Variants in MAP3K20 observed in about 807,000 individuals in gnomAD.
MAP3K20 encodes HCCS-4.
MAP3K20 carries 40 observed loss-of-function variants against 85.7 expected under a neutral mutation model. The ratio of observed to expected loss-of-function variants is 0.47; its 90% CI spans 0.36 to 0.61. The LOEUF (loss-of-function observed/expected upper bound fraction) is 0.61, where lower values mean the gene tolerates loss of function less well. MAP3K20 is among the 20% of genes least tolerant of loss of function. MAP3K20 has a pLI of 0.00. For missense variants in MAP3K20, 817 were observed against 961.7 expected (o/e 0.85, Z 1.99); for synonymous variants, 325 against 327.7 (o/e 0.99, Z 0.09).
intron 4 of MAP3K20, among the ~76,000 whole-genome samples, chr2:173,185,690 T>G (rs1690464572): frequency 6.6e-6 from 1 of 152,240 alleles, no homozygotes; most frequent in Non-Finnish European, 1.5e-5. Context: ...TCAGCATCAT[T>G]GCTGTTGAGA....
At chr2:173,205,392 G>A (rs931870164) in intron 9 of MAP3K20, among the ~76,000 whole-genome samples, 4 of 152,026 alleles carry the variant, frequency 2.6e-5, no homozygotes, top group Non-Finnish European at 2.9e-5. Context: ...TCTTTAATGG[G>A]AATAACTAAC....
chr2:173,154,774 G>T (rs1454364046), intron 2 of MAP3K20, among the ~76,000 whole-genome samples: 1 of 152,048 alleles, frequency 6.6e-6, no homozygotes, highest in East Asian at 1.9e-4. Context: ...GGAGAGGCAT[G>T]GTTACATTTA....
intron 2 of MAP3K20, among the ~76,000 whole-genome samples, chr2:173,155,758 C>T (rs890391445): frequency 3.3e-5 from 5 of 152,084 alleles, no homozygotes; most frequent in Non-Finnish European, 5.9e-5. Context: ...ATTATTTGAC[C>T]AAGGAGTGCA....
intron 16 of MAP3K20, among the ~76,000 whole-genome samples, chr2:173,254,815 CTTTA>C (rs1390875393): frequency 2.6e-5 from 4 of 152,184 alleles, no homozygotes; most frequent in African/African-American, 9.7e-5. Flanking sequence ...AATTCCATTA[CTTTA>C]TTTGTGGATT....
At chr2:173,105,190 G>A (rs1014231601) in intron 2 of MAP3K20, among the ~76,000 whole-genome samples, 1 of 152,212 alleles carries the variant, frequency 6.6e-6, no homozygotes, top group African/African-American at 2.4e-5. Context: ...ACAGAGACAG[G>A]GGACCAGTTA....
At chr2:173,077,212 C>T (rs908108299) in intron 1 of MAP3K20, among the ~76,000 whole-genome samples, 1 of 151,998 alleles carries the variant, frequency 6.6e-6, no homozygotes, top group Non-Finnish European at 1.5e-5. Context: ...TTTGGAAGAG[C>T]CTTCTTGCTT....
At chr2:173,205,140 A>G (rs1243402745) in intron 9 of MAP3K20, among the ~76,000 whole-genome samples, 1 of 151,784 alleles carries the variant, frequency 6.6e-6, no homozygotes, top group Non-Finnish European at 1.5e-5. Context: ...ATAAAATAAA[A>G]CATATTCTCA....
intron 2 of MAP3K20, among the ~76,000 whole-genome samples, chr2:173,094,334 T>C (rs1399299917): frequency 6.6e-6 from 1 of 152,182 alleles, no homozygotes; most frequent in Non-Finnish European, 1.5e-5. Flanking sequence ...ACAGATGCCA[T>C]GTACCTTTAT....
intron 1 of MAP3K20, among the ~76,000 whole-genome samples, chr2:173,085,387 A>G (rs1170225118): frequency 6.6e-6 from 1 of 152,246 alleles, no homozygotes; most frequent in Non-Finnish European, 1.5e-5. Context: ...AAAAAGTAAA[A>G]TAATTCTTTA....
At chr2:173,214,773 G>A (rs1005131078) in intron 10 of MAP3K20, among the ~76,000 whole-genome samples, 2 of 152,148 alleles carry the variant, frequency 1.3e-5, no homozygotes, top group Admixed American at 6.6e-5. Context: ...CATCAACTAA[G>A]ACATTTAAAC....
At chr2:173,177,013 G>T (rs920871757) in intron 3 of MAP3K20, among the ~76,000 whole-genome samples, 15 of 152,156 alleles carry the variant, frequency 9.9e-5, no homozygotes, top group African/African-American at 3.6e-4. Context: ...AATTGGAAAT[G>T]TATACACACC....
At chr2:173,174,713 T>C (rs1198972405) in intron 3 of MAP3K20, among the ~76,000 whole-genome samples, 1 of 152,208 alleles carries the variant, frequency 6.6e-6, no homozygotes, top group Non-Finnish European at 1.5e-5. Flanking sequence ...ATCCTTTGGG[T>C]ATATACCCAG....
chr2:173,222,759 T>G, intron 11 of MAP3K20: 2 of 985,456 alleles, frequency 2.0e-6, no homozygotes, highest in Non-Finnish European at 2.4e-6. Context: ...GTTTTTTGTT[T>G]TAACCCTGCT....
intron 3 of MAP3K20, among the ~76,000 whole-genome samples, chr2:173,176,789 A>T (rs1690173528): frequency 6.6e-6 from 1 of 152,180 alleles, no homozygotes; most frequent in Non-Finnish European, 1.5e-5. Flanking sequence ...CCAATTATGT[A>T]CTCTCTACAA....
intron 10 of MAP3K20, chr2:173,212,797 C>CAAAAA (rs61126157): frequency 1.6e-3 from 159 of 100,130 alleles, no homozygotes; most frequent in South Asian, 2.0e-3. Flanking sequence ...AGATCCTATT[C>CAAAAA]AAAAAAAAAA....
At chr2:173,218,001 T>C (rs1684126889) in intron 11 of MAP3K20, among the ~76,000 whole-genome samples, 1 of 152,358 alleles carries the variant, frequency 6.6e-6, no homozygotes, top group East Asian at 1.9e-4. Context: ...AGGAATTAAG[T>C]ATAAATTTAT....
chr2:173,126,276 G>A (rs1024360796), intron 2 of MAP3K20, among the ~76,000 whole-genome samples: 2 of 152,142 alleles, frequency 1.3e-5, no homozygotes, highest in Non-Finnish European at 2.9e-5. Flanking sequence ...GTCTGACGTT[G>A]GGCAAGAAAG....
chr2:173,117,538 C>T (rs1688160178), intron 2 of MAP3K20, among the ~76,000 whole-genome samples: 3 of 152,182 alleles, frequency 2.0e-5, no homozygotes, highest in South Asian at 4.1e-4. Flanking sequence ...CCTTGACCTC[C>T]CAAATTGTTG....
intron 11 of MAP3K20, chr2:173,223,857 T>C (rs947668192): frequency 1.0e-6 from 1 of 985,196 alleles, no homozygotes; most frequent in African/African-American, 1.7e-5. Context: ...AAGCTTGGAG[T>C]AGAGCAGAAG....
Sources: gnomAD v4.1 joint callset for allele counts (sites outside exome capture counted in the v4.1 genomes callset) on GRCh38, gnomAD v4.1.1 for gene constraint, MANE v1.5 for transcripts, NCBI Gene and HGNC (gene_info 2026-07-23, HGNC 2026-07-21) for gene names.